CALN1: variants seen among roughly 807,000 people sequenced by gnomAD.
CALN1 encodes the protein calneuron 1.
CALN1 carries 17 observed loss-of-function variants against 30.6 expected under a neutral mutation model. That is an observed-to-expected ratio of 0.56 (90% CI 0.38 to 0.83). The LOEUF (loss-of-function observed/expected upper bound fraction) is 0.83. Ranked by LOEUF, CALN1 falls within the 40% of genes least tolerant of loss-of-function variation. CALN1 has a pLI of 0.00. For synonymous variants in CALN1, 156 were observed against 131.4 expected, an observed-to-expected ratio of 1.19 and a Z score of -1.28; for missense variants, 291 against 354.9, an observed-to-expected ratio of 0.82 and a Z score of 1.45.
At chr7:71,795,919 C>G (rs910871926) in intron 6 of CALN1, among the ~76,000 whole-genome samples, 1 of 147,506 alleles carries the variant, frequency 6.8e-6, no homozygotes, top group South Asian at 2.2e-4. Flanking sequence ...CCCGGGTTCA[C>G]GTCATTCTCC....
chr7:71,905,605 T>C (rs549723308), intron 5 of CALN1, among the ~76,000 whole-genome samples: 4 of 152,236 alleles, frequency 2.6e-5, no homozygotes, highest in African/African-American at 7.2e-5. Context: ...ATTAGTCCTC[T>C]GGAGACCTTG....
chr7:72,341,634 T>C (rs1406934380), intron 2 of CALN1, among the ~76,000 whole-genome samples: 2 of 152,196 alleles, frequency 1.3e-5, no homozygotes, highest in Non-Finnish European at 2.9e-5. Flanking sequence ...TGGGAAACAT[T>C]TGGCCAAAGC....
intron 5 of CALN1, among the ~76,000 whole-genome samples, chr7:72,015,886 C>T (rs1338383890): frequency 6.6e-6 from 1 of 152,130 alleles, no homozygotes; most frequent in East Asian, 1.9e-4. Context: ...TGAAGGCTTG[C>T]TGTCAGTCTA....
At chr7:72,040,021 A>C (rs1330797080) in intron 4 of CALN1, among the ~76,000 whole-genome samples, 2 of 152,174 alleles carry the variant, frequency 1.3e-5, no homozygotes, top group Non-Finnish European at 2.9e-5. Context: ...TTTATACTGC[A>C]GCAATCACAA....
rs1562787863 is a variant in CALN1 at position 71,798,105 on chromosome 7, G to GAGAGAC, written c.659-10209_659-10204dup. On this transcript the variant is annotated intron_variant, in intron 6 of 6. Transcript: ENST00000395275. ...AGAGAGAGACAGAGAGAGAGACAGA[G>GAGAGAC]AGAGACAGAGACAGAGACAGAGAGA... 8.7e-5 allele frequency among the ~76,000 whole-genome samples: 8 copies of GAGAGAC among 91,762 alleles called. No homozygotes were observed. In the East Asian group the frequency reaches 4.5e-3, roughly 52 times the overall value. The allele number at this position is 91,762 out of a possible 152,430, so 60.2% of individuals were successfully genotyped here.
intron 5 of CALN1, among the ~76,000 whole-genome samples, chr7:71,813,097 C>T (rs111738616): frequency 1.0e-3 from 159 of 152,092 alleles, no homozygotes; most frequent in African/African-American, 3.8e-3. Flanking sequence ...TACAGGCACA[C>T]ACCACCACAC....
At chr7:71,795,650 GC>G (rs1371203826) in intron 6 of CALN1, among the ~76,000 whole-genome samples, 1 of 152,066 alleles carries the variant, frequency 6.6e-6, no homozygotes, top group African/African-American at 2.4e-5. Context: ...TCGCTCTGCA[GC>G]CCCAGGCAAA....
chr7:72,201,911 G>GT (rs1290800610), intron 3 of CALN1, among the ~76,000 whole-genome samples: 1 of 152,136 alleles, frequency 6.6e-6, no homozygotes, highest in Non-Finnish European at 1.5e-5. Flanking sequence ...CTCCCTATCT[G>GT]TTGGCAAGAA....
intron 2 of CALN1, among the ~76,000 whole-genome samples, chr7:72,349,345 A>T (rs1428071182): frequency 1.3e-5 from 2 of 151,322 alleles, no homozygotes; most frequent in Middle Eastern, 3.4e-3. Context: ...AACAGAAAAA[A>T]GTATTTGAAT....
At chr7:72,232,431 T>C (rs942440184) in intron 3 of CALN1, among the ~76,000 whole-genome samples, 2 of 151,944 alleles carry the variant, frequency 1.3e-5, no homozygotes, top group African/African-American at 4.8e-5. Context: ...CTTCATGCAA[T>C]GGACTCGTAG....
chr7:72,474,053 C>G, the CALN1 span, among the ~76,000 whole-genome samples: 1,962 of 151,776 alleles, frequency 0.013, 40 homozygotes, highest in African/African-American at 0.045. Flanking sequence ...GGATACGAAA[C>G]TAGTTAGTAT....
chr7:72,356,085 C>A (rs1803205429), intron 2 of CALN1, among the ~76,000 whole-genome samples: 1 of 152,150 alleles, frequency 6.6e-6, no homozygotes, highest in South Asian at 2.1e-4. Context: ...AAATATTACA[C>A]TGTATCCCAT....
intron 3 of CALN1, among the ~76,000 whole-genome samples, chr7:72,272,096 T>C (rs929221062): frequency 3.5e-5 from 5 of 144,860 alleles, no homozygotes; most frequent in African/African-American, 7.6e-5. Context: ...AGGAGGCAAA[T>C]AGGGGCTCCT....
chr7:72,152,530 T>C (rs1787332348), intron 3 of CALN1, among the ~76,000 whole-genome samples: 1 of 152,160 alleles, frequency 6.6e-6, no homozygotes. Context: ...ACAACCTATC[T>C]ACCTGCCAGG....
chr7:72,069,864 A>G (rs111514061), intron 4 of CALN1, among the ~76,000 whole-genome samples: 42 of 152,326 alleles, frequency 2.8e-4, no homozygotes, highest in African/African-American at 9.9e-4. Context: ...CGAATAAAGT[A>G]AAGTGTTACA....
chr7:72,271,575 A>AAAAAAATATATAT, intron 3 of CALN1, among the ~76,000 whole-genome samples: 11 of 52,118 alleles, frequency 2.1e-4, no homozygotes, highest in South Asian at 1.2e-3. Flanking sequence ...AAAAAAAAAA[A>AAAAAAATATATAT]ATATATATAT....
intron 1 of CALN1, among the ~76,000 whole-genome samples, chr7:72,410,952 A>G (rs1585694052): frequency 6.9e-6 from 1 of 145,056 alleles, no homozygotes; most frequent in East Asian, 3.7e-4. Flanking sequence ...TGGGAAAAGA[A>G]ATAAAGTTAT....
intron 5 of CALN1, among the ~76,000 whole-genome samples, chr7:71,956,521 G>C (rs6951255): frequency 0.56 from 81,054 of 145,450 alleles, 22,864 homozygotes; most frequent in African/African-American, 0.62. Flanking sequence ...GAGGGAGGGT[G>C]TCGTTATGTT....
At chr7:72,161,758 G>A (rs1247214415) in intron 3 of CALN1, among the ~76,000 whole-genome samples, 2 of 151,972 alleles carry the variant, frequency 1.3e-5, no homozygotes, top group Non-Finnish European at 2.9e-5. Flanking sequence ...ACACACGGGG[G>A]CCTGTAGGGG....
Sources: gnomAD v4.1 joint callset for allele counts (sites outside exome capture counted in the v4.1 genomes callset) on GRCh38, gnomAD v4.1.1 for gene constraint, MANE v1.5 for transcripts, NCBI Gene and HGNC (gene_info 2026-07-23, HGNC 2026-07-21) for gene names.